Variants in GALNT13 observed in about 807,000 individuals in gnomAD.
The protein encoded by GALNT13 is polypeptide N-acetylgalactosaminyltransferase 13.
In GALNT13, 28 loss-of-function variants were observed where a neutral mutation model predicts 64.2. That is an observed-to-expected ratio of 0.44 (90% CI 0.32 to 0.60). The LOEUF (loss-of-function observed/expected upper bound fraction) is 0.60, where lower values mean the gene tolerates loss of function less well. Among genes scored for constraint, GALNT13 ranks in the 20% least tolerant of loss-of-function variants. GALNT13 has a pLI of 0.05. For missense variants in GALNT13, 577 were observed against 669.8 expected, an observed-to-expected ratio of 0.86 and a Z score of 1.53; for synonymous variants, 214 against 224.6, an observed-to-expected ratio of 0.95 and a Z score of 0.42.
chr2:153,528,984 A>G, the GALNT13 span, among the ~76,000 whole-genome samples: 2 of 151,972 alleles, frequency 1.3e-5, no homozygotes, highest in African/African-American at 4.8e-5. Context: ...AAAAACTTCA[A>G]ATAAAGAACC....
At chr2:153,226,700 A>G in the GALNT13 span, among the ~76,000 whole-genome samples, 1 of 152,238 alleles carries the variant, frequency 6.6e-6, no homozygotes, top group African/African-American at 2.4e-5. Flanking sequence ...TAGTCAGGAG[A>G]AGTCTAAAGA....
chr2:153,214,801 A>C, the GALNT13 span, among the ~76,000 whole-genome samples: 3 of 152,176 alleles, frequency 2.0e-5, no homozygotes, highest in Non-Finnish European at 4.4e-5. Flanking sequence ...ATACTTTATT[A>C]GAAAAATAAG....
chr2:154,047,348 T>C (rs567522186), intron 3 of GALNT13, among the ~76,000 whole-genome samples: 2 of 152,304 alleles, frequency 1.3e-5, no homozygotes, highest in South Asian at 4.1e-4. Context: ...TTTCTGTAGA[T>C]CTTAAGTATG....
At chr2:153,542,593 G>A in the GALNT13 span, among the ~76,000 whole-genome samples, 4 of 152,110 alleles carry the variant, frequency 2.6e-5, no homozygotes, top group Admixed American at 2.0e-4. Flanking sequence ...ACAGGCCAGG[G>A]TGATCAGACA....
At chr2:153,298,669 CT>C in the GALNT13 span, among the ~76,000 whole-genome samples, 1 of 152,098 alleles carries the variant, frequency 6.6e-6, no homozygotes, top group Non-Finnish European at 1.5e-5. Flanking sequence ...GTTAGTGATT[CT>C]TTTTATGGTT....
At chr2:153,908,282 T>A (rs1688715445) in intron 2 of GALNT13, among the ~76,000 whole-genome samples, 1 of 152,294 alleles carries the variant, frequency 6.6e-6, no homozygotes, top group South Asian at 2.1e-4. Flanking sequence ...TTATAGATGC[T>A]GGATATTAGA....
chr2:154,230,125 T>TA (rs1473877311), intron 4 of GALNT13, among the ~76,000 whole-genome samples: 2 of 151,924 alleles, frequency 1.3e-5, no homozygotes, highest in Non-Finnish European at 2.9e-5. Flanking sequence ...CTCAGAGAGG[T>TA]AAAAAACATG....
At chr2:154,220,010 G>T (rs1007244922) in intron 4 of GALNT13, among the ~76,000 whole-genome samples, 12 of 152,004 alleles carry the variant, frequency 7.9e-5, no homozygotes, top group Non-Finnish European at 1.8e-4. Context: ...GGTGTGTTGT[G>T]CCTCATACTT....
the GALNT13 span, among the ~76,000 whole-genome samples, chr2:153,115,928 C>T: frequency 6.6e-6 from 1 of 152,120 alleles, no homozygotes; most frequent in African/African-American, 2.4e-5. Context: ...ATTTGTGTGA[C>T]ACTTTTCCAA....
chr2:153,163,446 T>C, the GALNT13 span, among the ~76,000 whole-genome samples: 1 of 152,328 alleles, frequency 6.6e-6, no homozygotes, highest in East Asian at 1.9e-4. Flanking sequence ...TGTCTAATCA[T>C]ATTTTGAGAG....
chr2:153,593,961 G>A, the GALNT13 span, among the ~76,000 whole-genome samples: 14 of 151,930 alleles, frequency 9.2e-5, no homozygotes, highest in South Asian at 2.1e-4. Flanking sequence ...ATAACTTGCC[G>A]TAAAATAATC....
intron 3 of GALNT13, among the ~76,000 whole-genome samples, chr2:153,974,281 T>C (rs149559731): frequency 6.6e-6 from 1 of 152,160 alleles, no homozygotes; most frequent in Non-Finnish European, 1.5e-5. Flanking sequence ...AATACTTTCC[T>C]AAATATTTGC....
At chr2:153,788,404 T>TG in the GALNT13 span, among the ~76,000 whole-genome samples, 1 of 144,274 alleles carries the variant, frequency 6.9e-6, no homozygotes, top group Admixed American at 6.8e-5. Context: ...CTGAGGGAAT[T>TG]TTTTTTTTTT....
At chr2:153,480,620 G>T in the GALNT13 span, among the ~76,000 whole-genome samples, 1 of 152,080 alleles carries the variant, frequency 6.6e-6, no homozygotes, top group African/African-American at 2.4e-5. Flanking sequence ...GTCTATCTTA[G>T]TTAATGTGGG....
At chr2:153,517,612 G>A in the GALNT13 span, among the ~76,000 whole-genome samples, 21 of 152,092 alleles carry the variant, frequency 1.4e-4, no homozygotes, top group African/African-American at 4.6e-4. Flanking sequence ...AAATTTCCAT[G>A]AGTCCTTACT....
At chr2:154,376,177 G>T (rs553243038) in intron 9 of GALNT13, among the ~76,000 whole-genome samples, 1 of 152,228 alleles carries the variant, frequency 6.6e-6, no homozygotes, top group East Asian at 1.9e-4. Context: ...TATGAAGATG[G>T]TTGAAACAGA....
chr2:153,667,606 A>G, the GALNT13 span, among the ~76,000 whole-genome samples: 1 of 152,210 alleles, frequency 6.6e-6, no homozygotes, highest in African/African-American at 2.4e-5. Context: ...AGATCTTCCT[A>G]ACAATAGGTC....
chr2:153,591,041 A>C, the GALNT13 span, among the ~76,000 whole-genome samples: 1 of 152,116 alleles, frequency 6.6e-6, no homozygotes, highest in Non-Finnish European at 1.5e-5. Flanking sequence ...TTGTTTGCTG[A>C]TGGTACAATC....
the GALNT13 span, among the ~76,000 whole-genome samples, chr2:153,109,912 CAG>C: frequency 6.6e-6 from 1 of 151,900 alleles, no homozygotes; most frequent in African/African-American, 2.4e-5. Flanking sequence ...ACAAGGTAAA[CAG>C]ATTTATTTTT....
Sources: gnomAD v4.1 joint callset for allele counts (sites outside exome capture counted in the v4.1 genomes callset) on GRCh38, gnomAD v4.1.1 for gene constraint, MANE v1.5 for transcripts, NCBI Gene and HGNC (gene_info 2026-07-23, HGNC 2026-07-21) for gene names.